CDC73: variants seen among roughly 807,000 people sequenced by gnomAD.
CDC73 encodes cell division cycle 73, also known as parafibromin.
In CDC73, 21 loss-of-function variants were observed where a neutral mutation model predicts 83.7. The ratio of observed to expected loss-of-function variants is 0.25; its 90% CI spans 0.18 to 0.36. The LOEUF (loss-of-function observed/expected upper bound fraction) is 0.36, where lower values mean the gene tolerates loss of function less well. Among genes scored for constraint, CDC73 ranks in the 10% least tolerant of loss-of-function variants. The pLI, the probability that CDC73 is intolerant of heterozygous loss-of-function variation, is 1.00. For missense variants in CDC73, 342 were observed against 653.3 expected (o/e 0.52, Z 5.19); for synonymous variants, 224 against 212.9 (o/e 1.05, Z -0.45).
chr1:193,217,100 C>G (rs547962981), intron 13 of CDC73, among the ~76,000 whole-genome samples: 3 of 152,274 alleles, frequency 2.0e-5, no homozygotes, highest in Admixed American at 2.0e-4. Flanking sequence ...CTTTGTCTCC[C>G]TCCCAGGGCT....
chr1:193,147,036 A>C (rs1432132805), intron 7 of CDC73, among the ~76,000 whole-genome samples: 1 of 151,896 alleles, frequency 6.6e-6, no homozygotes, highest in Non-Finnish European at 1.5e-5. Context: ...TCTGTCTCCC[A>C]GGGTGGAGTG....
intron 13 of CDC73, among the ~76,000 whole-genome samples, chr1:193,229,629 T>C (rs961731402): frequency 2.6e-5 from 4 of 152,214 alleles, no homozygotes; most frequent in African/African-American, 9.6e-5. Context: ...CAGTCTGTGC[T>C]ATTTCTCTTA....
At chr1:193,122,748 A>G (rs1322538267) in intron 1 of CDC73, among the ~76,000 whole-genome samples, 2 of 151,550 alleles carry the variant, frequency 1.3e-5, no homozygotes, top group Middle Eastern at 3.4e-3. Context: ...CTATGTAACT[A>G]TCTCCGCTGG....
intron 13 of CDC73, among the ~76,000 whole-genome samples, chr1:193,215,860 G>A (rs1251872252): frequency 2.0e-5 from 3 of 152,094 alleles, no homozygotes; most frequent in African/African-American, 7.2e-5. Flanking sequence ...GAAGGGCTGG[G>A]ATTACAGGGA....
chr1:193,176,107 A>G (rs746463769), intron 10 of CDC73, among the ~76,000 whole-genome samples: 16 of 152,202 alleles, frequency 1.1e-4, no homozygotes, highest in Non-Finnish European at 2.1e-4. Flanking sequence ...AATGTGAAAC[A>G]TTGGGCTAGT....
At chr1:193,130,066 G>GT (rs1275428654) in intron 2 of CDC73, 108 bp from the exon 3 acceptor site, 13 of 671,236 alleles carry the variant, frequency 1.9e-5, no homozygotes, top group East Asian at 1.1e-4. Flanking sequence ...TTTAAAATAC[G>GT]TTTTTTCAAG....
chr1:193,163,150 GTTGTGTGTGTGTGT>G (rs1210166046), intron 10 of CDC73, among the ~76,000 whole-genome samples: 3 of 145,844 alleles, frequency 2.1e-5, no homozygotes, highest in African/African-American at 5.4e-5. Flanking sequence ...ACTTTGTGGG[GTTGTGTGTGTGTGT>G]GTGTGTGTGT....
chr1:193,252,410 G>A lies in CDC73; in HGVS notation c.*1698G>A, dbSNP rs934662843. ...GTAATATTTTTATGTAAGATTACTTGTCAAGACTACTACAAGTCAGTATGA... is the reference window on the plus strand; with the variant it reads ...GTAATATTTTTATGTAAGATTACTTATCAAGACTACTACAAGTCAGTATGA... On this transcript the variant is annotated 3_prime_UTR_variant, in exon 17 of 17. Coordinates refer to ENST00000367435, the MANE Select transcript of CDC73 (RefSeq NM_024529.5). The A allele has an allele frequency of 4.4e-6, 1 of 229,782 alleles. No individual in the cohort carries two copies. Among genetic ancestry groups the A allele is most frequent in the Non-Finnish European group, 8.6e-6 (1 of 115,966 alleles). 14.2% of individuals were successfully genotyped at this position (229,782 alleles called of 1,614,324 possible).
chr1:193,171,191 C>T (rs541162201), intron 10 of CDC73, among the ~76,000 whole-genome samples: 8 of 152,274 alleles, frequency 5.3e-5, no homozygotes, highest in South Asian at 4.2e-4. Context: ...TAGGTCCCAG[C>T]GATATTCCCA....
chr1:193,168,523 ACT>A, intron 10 of CDC73, among the ~76,000 whole-genome samples: 1 of 148,434 alleles, frequency 6.7e-6, no homozygotes, highest in Non-Finnish European at 1.5e-5. Flanking sequence ...TCCATGTTTA[ACT>A]CTGCCTTTTT....
chr1:193,188,328 G>A (rs1676855107), intron 10 of CDC73, among the ~76,000 whole-genome samples: 1 of 152,074 alleles, frequency 6.6e-6, no homozygotes, highest in African/African-American at 2.4e-5. Context: ...ATTGAAGCAA[G>A]ATTATCTAAA....
intron 14 of CDC73, among the ~76,000 whole-genome samples, chr1:193,235,486 T>C (rs1182256435): frequency 6.6e-6 from 1 of 152,190 alleles, no homozygotes; most frequent in African/African-American, 2.4e-5. Flanking sequence ...GCTGATAATG[T>C]TGTTGTTTTG....
intron 10 of CDC73, among the ~76,000 whole-genome samples, chr1:193,197,840 C>T (rs902005709): frequency 1.3e-5 from 2 of 149,378 alleles, no homozygotes; most frequent in Admixed American, 6.7e-5. Context: ...GCACAAGAAT[C>T]GCTTGAACTG....
chr1:193,217,769 G>A (rs983568021), intron 13 of CDC73, among the ~76,000 whole-genome samples: 4 of 152,076 alleles, frequency 2.6e-5, no homozygotes, highest in South Asian at 2.1e-4. Flanking sequence ...CTGTCCTCAC[G>A]TAGGTTCATG....
intron 10 of CDC73, among the ~76,000 whole-genome samples, chr1:193,203,582 A>G (rs1677127611): frequency 6.6e-6 from 1 of 152,184 alleles, no homozygotes; most frequent in Non-Finnish European, 1.5e-5. Flanking sequence ...GATGTTTATT[A>G]TGATCTCATG....
At chr1:193,125,646 G>A (rs1023927915) in intron 2 of CDC73, among the ~76,000 whole-genome samples, 3 of 150,214 alleles carry the variant, frequency 2.0e-5, no homozygotes, top group Non-Finnish European at 4.4e-5. Flanking sequence ...GTGTGATCTC[G>A]GCTTACTGTA....
At chr1:193,179,508 A>G (rs1419731577) in intron 10 of CDC73, 1 of 152,658 alleles carries the variant, frequency 6.6e-6, no homozygotes, top group African/African-American at 2.4e-5. Flanking sequence ...TAATTGGTCT[A>G]ATCCAATAAC....
chr1:193,208,326 A>T (rs1267881588), intron 11 of CDC73, among the ~76,000 whole-genome samples: 1 of 152,072 alleles, frequency 6.6e-6, no homozygotes, highest in East Asian at 1.9e-4. Context: ...CAACCTTTTT[A>T]TTTCCGGTGG....
Position 193,129,153 on chromosome 1 carries a change from G to A in CDC73, c.238-1021G>A, listed in dbSNP as rs375790176. 4.3e-4 allele frequency among the ~76,000 whole-genome samples: 66 copies of A among 151,902 alleles called. No homozygotes were observed. The East Asian group carries it at 9.9e-3, about 23-fold the overall frequency. ...GCAGGGACTGCAGGTGCCTGTCACC[G>A]CGCCTAGCTAATTTTTGTAGTTTTA... On this transcript the variant is annotated intron_variant, in intron 2 of 16. Coordinates refer to ENST00000367435, the MANE Select transcript of CDC73 (RefSeq NM_024529.5).
Sources: gnomAD v4.1 joint callset for allele counts (sites outside exome capture counted in the v4.1 genomes callset) on GRCh38, gnomAD v4.1.1 for gene constraint, MANE v1.5 for transcripts, NCBI Gene and HGNC (gene_info 2026-07-23, HGNC 2026-07-21) for gene names.